Variants in PHC3 observed in about 807,000 individuals in gnomAD.
PHC3 encodes polyhomeotic-like protein 3.
In PHC3, 13 loss-of-function variants were observed where a neutral mutation model predicts 107.4. That is an observed-to-expected ratio of 0.12 (90% CI 0.08 to 0.19). PHC3 has a LOEUF of 0.19. Ranked by LOEUF, PHC3 falls within the 10% of genes least tolerant of loss-of-function variation. The pLI is 1.00. For synonymous variants in PHC3, 456 were observed against 427.4 expected (o/e 1.07, Z -0.83); for missense variants, 992 against 1,210.9 (o/e 0.82, Z 2.68).
At chr3:170,156,349 T>A (rs1323802460) in intron 4 of PHC3, among the ~76,000 whole-genome samples, 1 of 152,150 alleles carries the variant, frequency 6.6e-6, no homozygotes, top group East Asian at 1.9e-4. Flanking sequence ...CTCCGCCTCC[T>A]GGGTTCAAGT....
intron 4 of PHC3, among the ~76,000 whole-genome samples, chr3:170,165,837 A>C (rs1728660654): frequency 6.6e-6 from 1 of 151,008 alleles, no homozygotes; most frequent in Non-Finnish European, 1.5e-5. Flanking sequence ...GCCCAGTAGC[A>C]TGCACCTATA....
chr3:170,117,533 A>C lies in PHC3; in HGVS notation c.1943-57T>G. 4.0e-6 allele frequency: 6 copies of C among 1,517,306 alleles called. No individual in the cohort carries two copies. In the South Asian group the frequency reaches 7.8e-5, roughly 20 times the overall value. 94.0% of individuals were successfully genotyped at this position (1,517,306 alleles called of 1,614,324 possible). On this transcript the variant is annotated intron_variant, in intron 9 of 14. Transcript: ENST00000495893. The stretch of plus-strand genomic sequence containing the variant: ...TTTTTTTAGCATTTTGCCCAAGCAA[A>C]TGAAAGAGAATTAAGGAATAAATAA...
intron 10 of PHC3, among the ~76,000 whole-genome samples, chr3:170,115,544 G>A (rs541798881): frequency 7.2e-5 from 11 of 152,196 alleles, no homozygotes; most frequent in Non-Finnish European, 1.0e-4. Context: ...TATTAATGGG[G>A]ATCATTTGCC....
intron 4 of PHC3, among the ~76,000 whole-genome samples, chr3:170,161,037 A>G (rs1209719099): frequency 6.6e-6 from 1 of 152,246 alleles, no homozygotes; most frequent in Non-Finnish European, 1.5e-5. Context: ...ATCATTACAT[A>G]TTCTAGTTGA....
intron 4 of PHC3, among the ~76,000 whole-genome samples, chr3:170,165,753 C>CAAAAAAAAAAAAAAAAAAAAAAAAAA (rs1201987701): frequency 2.4e-5 from 1 of 41,074 alleles, no homozygotes; most frequent in Non-Finnish European, 4.6e-5. Flanking sequence ...GACCTTGTCT[C>CAAAAAAAAAAAAAAAAAAAAAAAAAA]AAAAAAAAAA....
intron 4 of PHC3, among the ~76,000 whole-genome samples, chr3:170,163,067 TC>T (rs928438334): frequency 7.2e-5 from 11 of 152,178 alleles, no homozygotes; most frequent in African/African-American, 2.2e-4. Flanking sequence ...TGTTCGTCTA[TC>T]CCTAGCTCCA....
intron 4 of PHC3, among the ~76,000 whole-genome samples, chr3:170,149,676 G>A (rs113687726): frequency 0.1 from 15,290 of 151,988 alleles, 897 homozygotes; most frequent in Middle Eastern, 0.16. Flanking sequence ...GGCTGGTCTC[G>A]AACTCCTGAC....
intron 5 of PHC3, 71 bp from the exon 6 acceptor site, chr3:170,145,592 C>G: frequency 9.7e-7 from 1 of 1,034,548 alleles, no homozygotes; most frequent in Non-Finnish European, 1.4e-6. Context: ...GTGTAGCAGG[C>G]AAGAGAGACT....
chr3:170,127,235 C>G (rs1441818940), intron 8 of PHC3, among the ~76,000 whole-genome samples: 1 of 152,212 alleles, frequency 6.6e-6, no homozygotes, highest in African/African-American at 2.4e-5. Flanking sequence ...GCCGCAATCT[C>G]GGCCCACTGC....
Position 170,145,468 on chromosome 3 carries a change from A to C in PHC3, c.627T>G (p.Val209=). ...AGGAAGATGACGATGACGACGAGACAACAGGAATGTCAGACTGTACAGCAG... is the reference window on the plus strand; with the variant it reads ...AGGAAGATGACGATGACGACGAGACCACAGGAATGTCAGACTGTACAGCAG... ...TVAAVQSDIP[V]VSSSSSSSCQ... is the part of the protein sequence containing the mutation. Residue 209 remains valine, a synonymous_variant, in exon 6 of 15, where the codon GTT becomes GTG. Transcript: ENST00000495893. 1 of 1,613,570 alleles carries C rather than the reference A, an allele frequency of 6.2e-7. No homozygotes were observed. Among genetic ancestry groups the C allele is most frequent in the Non-Finnish European group, 8.5e-7 (1 of 1,179,606 alleles).
chr3:170,098,708 TATTTC>T (rs1471761168), intron 14 of PHC3, among the ~76,000 whole-genome samples: 10 of 152,202 alleles, frequency 6.6e-5, no homozygotes, highest in African/African-American at 1.4e-4. Flanking sequence ...TTCTCTTGCT[TATTTC>T]TTTTCTCACG....
intron 4 of PHC3, among the ~76,000 whole-genome samples, chr3:170,168,342 T>G (rs896951608): frequency 6.6e-6 from 1 of 152,242 alleles, no homozygotes; most frequent in African/African-American, 2.4e-5. Context: ...TTGGCAGAAG[T>G]AGAATTTTTA....
At chr3:170,146,078 A>C (rs1265256134) in intron 5 of PHC3, among the ~76,000 whole-genome samples, 1 of 152,212 alleles carries the variant, frequency 6.6e-6, no homozygotes, top group Admixed American at 6.5e-5. Context: ...ATTTGTAAAG[A>C]AATATTCATT....
At chr3:170,145,860 G>T (rs1353531968) in intron 5 of PHC3, among the ~76,000 whole-genome samples, 1 of 152,066 alleles carries the variant, frequency 6.6e-6, no homozygotes, top group Non-Finnish European at 1.5e-5. Flanking sequence ...GAACTACTGT[G>T]GCAGGATTCC....
Position 170,178,886 on chromosome 3 carries a change from A to G in PHC3, c.67T>C (p.Ser23Pro). ...MDTEPNPGTS[S>P]VSTTTSSTTT... is the part of the protein sequence containing the mutation. ...GTACTGCTGGTTGTTGTTGACACAG[A>G]AGATGTTCCCGGGTTTGGTTCAGTA... The change falls in exon 2 of 15, where the codon TCT becomes CCT. Residue 23 changes from serine (S) to proline (P), a missense_variant. Ser to Pro is a moderately conservative substitution (Grantham distance 74). This residue lies in a region of PHC3 where 161 missense variants were observed against 183.7 expected (regional missense o/e 0.88). Coordinates refer to ENST00000495893, the MANE Select transcript of PHC3 (RefSeq NM_024947.4). 6.2e-7 allele frequency: 1 copy of G among 1,613,964 alleles called. No homozygotes were observed. The highest frequency in any genetic ancestry group is 8.5e-7 in the Non-Finnish European group (1 of 1,179,848).
rs566458071 is a variant in PHC3, at chr3:170,131,936, C to T, written c.920-2384G>A. ...TCAACAGATTAGCAATCTATCCTTT[C>T]ATCTAAATTACATTTTTCTTTGATC... On this transcript the variant is annotated intron_variant, in intron 7 of 14. Transcript: ENST00000495893. 2.0e-3 allele frequency among the ~76,000 whole-genome samples: 298 copies of T among 152,318 alleles called. 1 individual carries two copies. The highest frequency in any genetic ancestry group is 2.6e-3 in the Non-Finnish European group (174 of 68,034).
chr3:170,108,155 A>T (rs186331786), intron 11 of PHC3, among the ~76,000 whole-genome samples: 11 of 152,298 alleles, frequency 7.2e-5, no homozygotes, highest in Non-Finnish European at 1.2e-4. Flanking sequence ...AAGTCATATT[A>T]AAAAAAGCAA....
At chr3:170,147,723 G>A (rs1577159123) in intron 5 of PHC3, 1 of 152,106 alleles carries the variant, frequency 6.6e-6, no homozygotes, top group East Asian at 1.9e-4. Context: ...GGACAGAGAG[G>A]GTAGGGCCTG....
chr3:170,088,659 C>T lies in PHC3; in HGVS notation c.*8571G>A, dbSNP rs1455717267. ...ATATACAAAAAGTACTTATGGAATA[C>T]ATATTTTAACAGCATAACATATTTG... On this transcript the variant is annotated 3_prime_UTR_variant, in exon 15 of 15. Coordinates refer to ENST00000495893, the MANE Select transcript of PHC3 (RefSeq NM_024947.4). 1 of 152,188 alleles carries T rather than the reference C, an allele frequency of 6.6e-6. No individual in the cohort carries two copies. Among genetic ancestry groups the T allele is most frequent in the African/African-American group, 2.4e-5 (1 of 41,440 alleles). The allele number at this position is 152,188 out of a possible 1,614,324, so 9.4% of individuals were successfully genotyped here. A position where few individuals can be genotyped will look rare whatever the true frequency, so the allele number is the denominator to read the frequency against.
Sources: gnomAD v4.1 joint callset for allele counts (sites outside exome capture counted in the v4.1 genomes callset) on GRCh38, gnomAD v4.1.1 for gene constraint, gnomAD v4.1.1 regional missense constraint, MANE v1.5 for transcripts, NCBI Gene and HGNC (gene_info 2026-07-23, HGNC 2026-07-21) for gene names.